TMEM131L: variants seen among roughly 807,000 people sequenced by gnomAD.
TMEM131L encodes transmembrane 131 like.
In TMEM131L, 54 loss-of-function variants were observed where a neutral mutation model predicts 192.2. The observed-to-expected ratio is 0.28, with a 90% CI of 0.23 to 0.35. TMEM131L has a LOEUF of 0.35. Ranked by LOEUF, TMEM131L falls within the 10% of genes least tolerant of loss-of-function variation. The pLI, the probability that TMEM131L is intolerant of heterozygous loss-of-function variation, is 1.00. For missense variants in TMEM131L, 1,888 were observed against 1,972.9 expected (o/e 0.96, Z 0.82); for synonymous variants, 701 against 704.9 (o/e 0.99, Z 0.09).
intron 3 of TMEM131L, among the ~76,000 whole-genome samples, chr4:153,525,134 G>T (rs1291110348): frequency 6.6e-6 from 1 of 152,190 alleles, no homozygotes; most frequent in Non-Finnish European, 1.5e-5. Flanking sequence ...GGGTTGATGC[G>T]ACTTGATACA....
chr4:153,494,910 A>G (rs1733057756), intron 3 of TMEM131L, among the ~76,000 whole-genome samples: 1 of 152,092 alleles, frequency 6.6e-6, no homozygotes, highest in Non-Finnish European at 1.5e-5. Flanking sequence ...CCGGGTGTTC[A>G]CCCTTTACCT....
In TMEM131L at chr4:153,511,046, G is replaced by T. The variant is rs1319893709; in HGVS notation, c.239+37158G>T. ...ACACGGTTGGTAGGAGTGTAACTTA[G>T]TTCAACCACTGTGGAAAGCAGTGTG... On this transcript the variant is annotated intron_variant, in intron 3 of 34. Coordinates refer to ENST00000409959, the MANE Select transcript of TMEM131L (RefSeq NM_001131007.2). Among the ~76,000 whole-genome samples, 5 of 152,198 alleles carry T rather than the reference G, an allele frequency of 3.3e-5. No individual in the cohort carries two copies. The East Asian group carries it at 9.6e-4, about 29-fold the overall frequency.
At chr4:153,500,629 C>T (rs796256962) in intron 3 of TMEM131L, among the ~76,000 whole-genome samples, 16 of 152,234 alleles carry the variant, frequency 1.1e-4, no homozygotes, top group African/African-American at 3.6e-4. Flanking sequence ...CCTTTGGGTC[C>T]GTCATCTTCT....
At chr4:153,477,032 T>C (rs1197288237) in intron 3 of TMEM131L, among the ~76,000 whole-genome samples, 2 of 152,178 alleles carry the variant, frequency 1.3e-5, no homozygotes, top group Non-Finnish European at 2.9e-5. Flanking sequence ...AATGTTGATA[T>C]CAGGGTAGGG....
At chr4:153,545,290 C>T (rs1157989186) in intron 3 of TMEM131L, among the ~76,000 whole-genome samples, 6 of 132,326 alleles carry the variant, frequency 4.5e-5, no homozygotes, top group East Asian at 2.5e-4. Context: ...CTTTTTCAAA[C>T]TTTTTTTTTT....
chr4:153,578,522 GTTT>G (rs34872169), intron 7 of TMEM131L, among the ~76,000 whole-genome samples: 3 of 127,802 alleles, frequency 2.3e-5, no homozygotes, highest in African/African-American at 2.9e-5. Flanking sequence ...TGCCCAGCTA[GTTT>G]TTTTTTTTTT....
chr4:153,594,938 T>C (rs982505213), intron 19 of TMEM131L, among the ~76,000 whole-genome samples: 1 of 152,214 alleles, frequency 6.6e-6, no homozygotes, highest in African/African-American at 2.4e-5. Context: ...TATTGAATCA[T>C]GTATAGCTTG....
chr4:153,488,741 TCTCTC>T (rs2149860083), intron 3 of TMEM131L, among the ~76,000 whole-genome samples: 1 of 152,250 alleles, frequency 6.6e-6, no homozygotes, highest in Non-Finnish European at 1.5e-5. Flanking sequence ...AGAATTGTAT[TCTCTC>T]CTCACAGTCC....
At chr4:153,585,409 C>T in intron 12 of TMEM131L, 49 bp from the exon 13 acceptor site, 1 of 1,576,266 alleles carries the variant, frequency 6.3e-7, no homozygotes, top group Non-Finnish European at 8.7e-7. Flanking sequence ...AGAGGGCTGA[C>T]TGTTGTCCCA....
intron 7 of TMEM131L, among the ~76,000 whole-genome samples, chr4:153,559,855 C>A (rs1017619451): frequency 3.3e-5 from 5 of 152,044 alleles, no homozygotes; most frequent in Non-Finnish European, 7.4e-5. Context: ...GGCTGTAAGA[C>A]CTGCGTGGTG....
In TMEM131L at chr4:153,626,153, G is replaced by A. The variant is rs1733829140; in HGVS notation, c.4052G>A (p.Ser1351Asn). Residue 1351 changes from serine to asparagine, a missense_variant, in exon 30 of 35, where the codon AGT (serine) becomes AAT (asparagine). Coordinates refer to ENST00000409959, the MANE Select transcript of TMEM131L (RefSeq NM_001131007.2). ...DAQHFLPAGD[S>N]VSQNDFPSEA... ...TGTGTTTCTTTTAATGCAGGAGACA[G>A]TGTTTCACAAAATGATTTTCCTTCT... is the stretch of plus-strand genomic sequence containing the variant. The A allele has an allele frequency of 1.9e-6, 3 of 1,605,922 alleles. No individual in the cohort carries two copies. The highest frequency in any genetic ancestry group is 1.3e-5 in the African/African-American group (1 of 74,872).
intron 3 of TMEM131L, among the ~76,000 whole-genome samples, chr4:153,506,309 C>T (rs762832855): frequency 6.6e-6 from 1 of 152,184 alleles, no homozygotes; most frequent in Non-Finnish European, 1.5e-5. Flanking sequence ...AATAATTTGA[C>T]TGTCATCACA....
In TMEM131L at chr4:153,635,534, C is replaced by G. The variant is rs766403574; in HGVS notation, c.4520C>G (p.Pro1507Arg). The change falls in exon 34 of 35, where the codon CCT becomes CGT. Residue 1507 changes from proline to arginine, a missense_variant. By Grantham distance (103) the Pro-to-Arg change is moderately radical (BLOSUM62 -2). Coordinates refer to ENST00000409959, the MANE Select transcript of TMEM131L (RefSeq NM_001131007.2). ...ACCTGGAACACCCCACCCAACATGC[C>G]TGCTGCCTGGGGACATGCCAGTTTC... The part of the protein sequence containing the change: ...QSTWNTPPNM[P>R]AAWGHASFIS... The G allele has an allele frequency of 1.9e-6, 3 of 1,614,198 alleles. No individual in the cohort carries two copies. The East Asian group carries it at 6.7e-5, about 36-fold the overall frequency.
intron 3 of TMEM131L, among the ~76,000 whole-genome samples, chr4:153,506,386 AC>A (rs1424014481): frequency 2.0e-5 from 3 of 152,228 alleles, no homozygotes; most frequent in African/African-American, 7.2e-5. Context: ...TTAGGGAGTG[AC>A]AGCCAAGGAT....
In TMEM131L at chr4:153,550,396, T is replaced by G. The variant is rs368675629; in HGVS notation, c.308+255T>G. On this transcript the variant is annotated intron_variant, in intron 4 of 34. Transcript: ENST00000409959. The stretch of plus-strand genomic sequence containing the variant: ...GGCTGGAGTGCAGTGGCGTGATCTC[T>G]GCTCACTGCAAGCTCTGCCTCCCGG... Among the ~76,000 whole-genome samples, 40 of 152,192 alleles carry G rather than the reference T, an allele frequency of 2.6e-4. 1 individual carries two copies. The East Asian group carries it at 4.3e-3, about 16-fold the overall frequency.
At chr4:153,600,308 A>G (rs1212944455) in intron 21 of TMEM131L, among the ~76,000 whole-genome samples, 2 of 151,820 alleles carry the variant, frequency 1.3e-5, no homozygotes, top group Admixed American at 1.3e-4. Context: ...GCTGGTCTGC[A>G]GTGAGCTACG....
intron 10 of TMEM131L, 37 bp from the exon 11 acceptor site, chr4:153,583,527 C>A (rs765749687): frequency 1.5e-6 from 2 of 1,300,258 alleles, no homozygotes; most frequent in Non-Finnish European, 2.2e-6. Context: ...ACTCTCCCAG[C>A]TGAGAGTAGT....
chr4:153,636,460 T>C lies in TMEM131L; in HGVS notation c.4717T>C (p.Tyr1573His). ...ENQAVVCKEY[Y>H]PGFNPFRAYM... ...CCAAGCGGTCGTGTGCAAGGAATAC[T>C]ACCCGGGGTTCAACCCGTTTCGCGC... The change falls in exon 35 of 35, where the codon TAC (tyrosine) becomes CAC (histidine). Residue 1573 changes from tyrosine to histidine, a missense_variant. Transcript: ENST00000409959. 6.2e-7 allele frequency: 1 copy of C among 1,614,234 alleles called. No individual in the cohort carries two copies. Among genetic ancestry groups the C allele is most frequent in the East Asian group, 2.2e-5 (1 of 44,886 alleles).
chr4:153,531,847 A>G (rs1203578181), intron 3 of TMEM131L, among the ~76,000 whole-genome samples: 8 of 152,202 alleles, frequency 5.3e-5, no homozygotes, highest in African/African-American at 1.9e-4. Context: ...TAAGGATCAC[A>G]TGTCTGGTGT....
Sources: gnomAD v4.1 joint callset for allele counts (sites outside exome capture counted in the v4.1 genomes callset) on GRCh38, gnomAD v4.1.1 for gene constraint, MANE v1.5 for transcripts, NCBI Gene and HGNC (gene_info 2026-07-23, HGNC 2026-07-21) for gene names.